The following ADGRL2 variants were observed in gnomAD, a reference collection of about 807,000 sequenced individuals.
The protein encoded by ADGRL2 is adhesion G protein-coupled receptor L2, also known as calcium-independent alpha-latrotoxin receptor 2.
In ADGRL2, 44 loss-of-function variants were observed where a neutral mutation model predicts 157.4. The ratio of observed to expected loss-of-function variants is 0.28; its 90% CI spans 0.22 to 0.36. ADGRL2 has a LOEUF of 0.36. Among genes scored for constraint, ADGRL2 ranks in the 10% least tolerant of loss-of-function variants. ADGRL2 has a pLI of 1.00. For missense variants in ADGRL2, 1,510 were observed against 1,768.9 expected (o/e 0.85, Z 2.63); for synonymous variants, 585 against 624.7 (o/e 0.94, Z 0.95).
intron 3 of ADGRL2, among the ~76,000 whole-genome samples, chr1:81,689,377 G>T (rs1196633673): frequency 6.6e-6 from 1 of 152,008 alleles, no homozygotes; most frequent in Non-Finnish European, 1.5e-5. Context: ...TATATTTGAG[G>T]TACTTTTGGA....
intron 2 of ADGRL2, among the ~76,000 whole-genome samples, chr1:81,770,485 C>T (rs2086318619): frequency 6.9e-6 from 1 of 145,436 alleles, no homozygotes; most frequent in Non-Finnish European, 1.5e-5. Flanking sequence ...TTTTTCTTTT[C>T]CTTTTAAGAC....
chr1:81,973,573 T>C (rs890757904), intron 17 of ADGRL2, among the ~76,000 whole-genome samples: 8 of 152,250 alleles, frequency 5.3e-5, no homozygotes, highest in Non-Finnish European at 1.2e-4. Flanking sequence ...ACATTTCAAT[T>C]AGCAAAAGAA....
chr1:81,596,965 T>C (rs1472026485), intron 3 of ADGRL2, among the ~76,000 whole-genome samples: 2 of 152,228 alleles, frequency 1.3e-5, no homozygotes, highest in South Asian at 2.1e-4. Context: ...CTTATCTTTT[T>C]GAATATTTGA....
At chr1:81,703,250 C>T (rs574911906) in intron 1 of ADGRL2, among the ~76,000 whole-genome samples, 6 of 152,008 alleles carry the variant, frequency 3.9e-5, no homozygotes, top group East Asian at 1.9e-4. Flanking sequence ...GAAAGTGAAG[C>T]GGGAGAAGTA....
intron 1 of ADGRL2, among the ~76,000 whole-genome samples, chr1:81,317,053 C>G (rs1465639799): frequency 1.3e-5 from 2 of 152,020 alleles, no homozygotes; most frequent in Non-Finnish European, 2.9e-5. Flanking sequence ...GATGATTTTG[C>G]TTCCCTGGTG....
At chr1:81,745,402 T>G (rs1325754553) in intron 1 of ADGRL2, among the ~76,000 whole-genome samples, 1 of 152,164 alleles carries the variant, frequency 6.6e-6, no homozygotes, top group African/African-American at 2.4e-5. Context: ...AGTTACTCAG[T>G]TTCCTCAATT....
chr1:81,699,180 A>C (rs1212227041), upstream of ADGRL2, among the ~76,000 whole-genome samples: 1 of 152,202 alleles, frequency 6.6e-6, no homozygotes, highest in Non-Finnish European at 1.5e-5. Flanking sequence ...TTGCTTTAGA[A>C]AAGGTGAAAA....
intron 3 of ADGRL2, among the ~76,000 whole-genome samples, chr1:81,687,748 C>A (rs1275770462): frequency 6.6e-6 from 1 of 151,836 alleles, no homozygotes; most frequent in Non-Finnish European, 1.5e-5. Context: ...AGCTTATATT[C>A]TTGTTTTACA....
At chr1:81,452,810 A>T (rs2077726799) in intron 2 of ADGRL2, among the ~76,000 whole-genome samples, 1 of 152,154 alleles carries the variant, frequency 6.6e-6, no homozygotes, top group Non-Finnish European at 1.5e-5. Flanking sequence ...TATGAAACCT[A>T]AAGTATGAGC....
chr1:81,469,306 G>GT (rs1156475063), intron 2 of ADGRL2, among the ~76,000 whole-genome samples: 1 of 152,090 alleles, frequency 6.6e-6, no homozygotes, highest in Non-Finnish European at 1.5e-5. Flanking sequence ...CCTATACATG[G>GT]TTTTTTAAAA....
intron 2 of ADGRL2, chr1:81,502,411 T>G: frequency 6.2e-7 from 1 of 1,614,090 alleles, no homozygotes; most frequent in Non-Finnish European, 8.5e-7. Context: ...CCAAGCTGTA[T>G]GAACTGGACG....
intron 2 of ADGRL2, among the ~76,000 whole-genome samples, chr1:81,792,804 T>C (rs1414524367): frequency 6.6e-6 from 1 of 152,126 alleles, no homozygotes; most frequent in African/African-American, 2.4e-5. Context: ...TTTTAGCAGC[T>C]GAAGTATAAT....
chr1:81,508,109 T>C (rs959164821), intron 2 of ADGRL2, among the ~76,000 whole-genome samples: 1 of 152,230 alleles, frequency 6.6e-6, no homozygotes, highest in African/African-American at 2.4e-5. Context: ...CAATTTCAAA[T>C]GCAAATATGA....
intron 1 of ADGRL2, among the ~76,000 whole-genome samples, chr1:81,707,194 A>G (rs1377191694): frequency 6.6e-6 from 1 of 152,156 alleles, no homozygotes; most frequent in East Asian, 1.9e-4. Context: ...ACTAAGGTTA[A>G]TTATCAGAAA....
intron 1 of ADGRL2, among the ~76,000 whole-genome samples, chr1:81,820,958 G>A (rs2090935116): frequency 6.6e-6 from 1 of 152,220 alleles, no homozygotes; most frequent in East Asian, 1.9e-4. Flanking sequence ...TGTATTAACA[G>A]CTTTAAGAGG....
At chr1:81,610,231 T>TTG (rs1275175331) in intron 3 of ADGRL2, among the ~76,000 whole-genome samples, 2 of 149,328 alleles carry the variant, frequency 1.3e-5, no homozygotes, top group African/African-American at 4.9e-5. Flanking sequence ...GCTTGGAGGT[T>TTG]TTTTTTTTTT....
intron 1 of ADGRL2, among the ~76,000 whole-genome samples, chr1:81,392,965 A>G (rs2076585530): frequency 6.6e-6 from 1 of 152,042 alleles, no homozygotes; most frequent in South Asian, 2.1e-4. Context: ...TACTTCCATA[A>G]AATTCCTTTC....
chr1:81,812,417 T>C (rs915011924), intron 1 of ADGRL2, among the ~76,000 whole-genome samples: 15 of 151,740 alleles, frequency 9.9e-5, no homozygotes, highest in African/African-American at 3.6e-4. Flanking sequence ...TATTCATAGA[T>C]TACAAATGTG....
chr1:81,397,062 C>T (rs2076667652), intron 1 of ADGRL2, among the ~76,000 whole-genome samples: 1 of 152,094 alleles, frequency 6.6e-6, no homozygotes, highest in South Asian at 2.1e-4. Context: ...ATTCATTCTC[C>T]TTTAAATCTT....
Sources: gnomAD v4.1 joint callset for allele counts (sites outside exome capture counted in the v4.1 genomes callset) on GRCh38, gnomAD v4.1.1 for gene constraint, MANE v1.5 for transcripts, NCBI Gene and HGNC (gene_info 2026-07-23, HGNC 2026-07-21) for gene names.